The following SLC44A5 variants were observed in gnomAD, a reference collection of about 807,000 sequenced individuals.
SLC44A5 encodes choline transporter-like protein 5.
In SLC44A5, 57 loss-of-function variants were observed where a neutral mutation model predicts 101.8. The ratio of observed to expected loss-of-function variants is 0.56; its 90% CI spans 0.45 to 0.70. The LOEUF is 0.70. SLC44A5 is among the 30% of genes least tolerant of loss of function. SLC44A5 has a pLI of 0.00. For synonymous variants in SLC44A5, 281 were observed against 290.9 expected (o/e 0.97, Z 0.35); for missense variants, 737 against 853.1 (o/e 0.86, Z 1.70).
chr1:75,597,334 T>C (rs1162384694), intron 1 of SLC44A5, among the ~76,000 whole-genome samples: 4 of 152,020 alleles, frequency 2.6e-5, no homozygotes, highest in Admixed American at 2.6e-4. Flanking sequence ...CCCATGCCCA[T>C]GGACAGAAAG....
At chr1:75,425,995 T>C (rs115454397) in intron 2 of SLC44A5, among the ~76,000 whole-genome samples, 3 of 152,128 alleles carry the variant, frequency 2.0e-5, no homozygotes, top group Admixed American at 1.3e-4. Context: ...GTTTTATTTG[T>C]CTCTAGAGAA....
At chr1:75,526,193 G>A (rs368602878) in intron 2 of SLC44A5, among the ~76,000 whole-genome samples, 10 of 151,982 alleles carry the variant, frequency 6.6e-5, no homozygotes, top group Non-Finnish European at 1.2e-4. Context: ...TTCAGTTTCC[G>A]TCCCCTCCAC....
intron 2 of SLC44A5, among the ~76,000 whole-genome samples, chr1:75,491,076 C>T (rs1463781328): frequency 6.6e-6 from 1 of 152,092 alleles, no homozygotes; most frequent in East Asian, 1.9e-4. Flanking sequence ...TAATTCAAAG[C>T]CATCGTAGTA....
intron 2 of SLC44A5, among the ~76,000 whole-genome samples, chr1:75,464,883 A>C (rs1666727949): frequency 1.3e-5 from 2 of 152,202 alleles, no homozygotes; most frequent in African/African-American, 4.8e-5. Flanking sequence ...TACATAAAGC[A>C]AATATTATTA....
the SLC44A5 span, among the ~76,000 whole-genome samples, chr1:75,705,991 AC>A: frequency 6.6e-6 from 1 of 151,978 alleles, no homozygotes; most frequent in South Asian, 2.1e-4. Context: ...TCAGCTTTTG[AC>A]TTTGTTAATT....
chr1:75,296,193 CT>C (rs1283537356), intron 5 of SLC44A5, among the ~76,000 whole-genome samples: 1 of 151,990 alleles, frequency 6.6e-6, no homozygotes, highest in East Asian at 1.9e-4. Flanking sequence ...TGTCAAGGCT[CT>C]TTACTGCTGT....
the SLC44A5 span, among the ~76,000 whole-genome samples, chr1:75,619,057 C>A: frequency 9.6e-6 from 1 of 104,032 alleles, no homozygotes; most frequent in South Asian, 4.0e-4. Flanking sequence ...GCAACAAGAG[C>A]GAAACTCTGT....
chr1:75,287,970 A>T (rs1035515714), intron 5 of SLC44A5, among the ~76,000 whole-genome samples: 1 of 152,176 alleles, frequency 6.6e-6, no homozygotes. Context: ...TAGGAAGGAT[A>T]CAAGCTTGCT....
At chr1:75,474,116 T>C (rs1429759433) in intron 2 of SLC44A5, among the ~76,000 whole-genome samples, 1 of 152,202 alleles carries the variant, frequency 6.6e-6, no homozygotes, top group Non-Finnish European at 1.5e-5. Flanking sequence ...TAGTTCACTG[T>C]CAATAACAGA....
At chr1:75,235,121 T>A (rs1242926178) in intron 11 of SLC44A5, among the ~76,000 whole-genome samples, 1 of 152,058 alleles carries the variant, frequency 6.6e-6, no homozygotes, top group African/African-American at 2.4e-5. Context: ...AGCCTGCGCT[T>A]TTAACTTGAG....
chr1:75,535,164 C>T (rs1485180625), intron 2 of SLC44A5, among the ~76,000 whole-genome samples: 1 of 151,102 alleles, frequency 6.6e-6, no homozygotes, highest in Admixed American at 6.6e-5. Context: ...GGATAACAGG[C>T]AGTTCTGTTA....
At chr1:75,626,437 C>T in the SLC44A5 span, among the ~76,000 whole-genome samples, 7 of 152,144 alleles carry the variant, frequency 4.6e-5, no homozygotes, top group Non-Finnish European at 7.3e-5. Context: ...ACAGTTCAAA[C>T]ACTCAAGATG....
At position 75,321,170 on chromosome 1, in the gene SLC44A5, C is replaced by T. The variant is rs545456893; in HGVS notation, c.101+18412G>A. On this transcript the variant is annotated intron_variant, in intron 4 of 23. Transcript: ENST00000370859. ...CTCTAATTTTATGAGAGAAAGGTTACTTGCCTATATTTATTGGCATTTTGT... is the reference window on the plus strand; with the variant it reads ...CTCTAATTTTATGAGAGAAAGGTTATTTGCCTATATTTATTGGCATTTTGT... Among the ~76,000 whole-genome samples the T allele has an allele frequency of 4.6e-5, 7 of 152,290 alleles. No individual in the cohort carries two copies. The South Asian group carries it at 1.5e-3, about 32-fold the overall frequency.
chr1:75,695,938 A>T, the SLC44A5 span, among the ~76,000 whole-genome samples: 1 of 151,778 alleles, frequency 6.6e-6, no homozygotes, highest in Non-Finnish European at 1.5e-5. Flanking sequence ...AAGCTGGGAA[A>T]GTCTTACACT....
chr1:75,689,561 A>C, the SLC44A5 span, among the ~76,000 whole-genome samples: 1 of 152,236 alleles, frequency 6.6e-6, no homozygotes, highest in African/African-American at 2.4e-5. Context: ...CCACTCAAAT[A>C]GTCAGGGAAA....
At chr1:75,654,954 C>T in the SLC44A5 span, among the ~76,000 whole-genome samples, 1 of 152,156 alleles carries the variant, frequency 6.6e-6, no homozygotes, top group African/African-American at 2.4e-5. Flanking sequence ...CCCCTTTGAG[C>T]TCCTTAATTT....
At chr1:75,686,783 T>A in the SLC44A5 span, among the ~76,000 whole-genome samples, 3 of 152,314 alleles carry the variant, frequency 2.0e-5, no homozygotes, top group East Asian at 5.8e-4. Context: ...GAGAAGGGAT[T>A]ACTGTGGATA....
chr1:75,574,882 AG>A (rs1673276970), intron 1 of SLC44A5, among the ~76,000 whole-genome samples: 1 of 152,178 alleles, frequency 6.6e-6, no homozygotes, highest in African/African-American at 2.4e-5. Flanking sequence ...AAAACACAAA[AG>A]GGCTGGCCAG....
At chr1:75,678,946 C>A in the SLC44A5 span, among the ~76,000 whole-genome samples, 1 of 152,016 alleles carries the variant, frequency 6.6e-6, no homozygotes, top group African/African-American at 2.4e-5. Context: ...AACGAAGGCT[C>A]GAGAACTACG....
Sources: gnomAD v4.1 joint callset for allele counts (sites outside exome capture counted in the v4.1 genomes callset) on GRCh38, gnomAD v4.1.1 for gene constraint, MANE v1.5 for transcripts, NCBI Gene and HGNC (gene_info 2026-07-23, HGNC 2026-07-21) for gene names.